UVSSA: variants seen among roughly 807,000 people sequenced by gnomAD.
The protein encoded by UVSSA is UV stimulated scaffold protein A.
In UVSSA, 72 loss-of-function variants were observed where a neutral mutation model predicts 73.9. That is an observed-to-expected ratio of 0.97 (90% CI 0.81 to 1.19). The LOEUF is 1.19. Among genes scored for constraint, UVSSA ranks in the 50% most tolerant of loss-of-function variants. The pLI, the probability that UVSSA is intolerant of heterozygous loss-of-function variation, is 0.00. For synonymous variants in UVSSA, 454 were observed against 391.3 expected (o/e 1.16, Z -1.89); for missense variants, 1,150 against 965.0 (o/e 1.19, Z -2.54).
In UVSSA at chr4:1,376,302, G is replaced by A. The variant is rs1251207459; in HGVS notation, c.1568+134G>A. On this transcript the variant is annotated intron_variant, in intron 10 of 13. Coordinates refer to ENST00000389851, the MANE Select transcript of UVSSA (RefSeq NM_020894.4). ...GCCTCCCAGCTCTGCCCCACCTTCC[G>A]GGCACCTGGAGGGGCACAGGGGTGG... The A allele has an allele frequency of 2.8e-5, 37 of 1,344,488 alleles. No homozygotes were observed. In the African/African-American group the frequency reaches 3.6e-4, roughly 13 times the overall value. 83.3% of individuals were successfully genotyped at this position (1,344,488 alleles called of 1,614,324 possible). A position where few individuals can be genotyped will look rare whatever the true frequency, so the allele number is the denominator to read the frequency against.
chr4:1,347,853 C>G lies in UVSSA; in HGVS notation c.-3+93C>G, dbSNP rs369111887. On this transcript the variant is annotated intron_variant, in intron 1 of 13. Transcript: ENST00000389851. The stretch of plus-strand genomic sequence containing the variant: ...TAACGCACGACCCTCAATGCAGCGT[C>G]CCACACACGGGATTGTAGAGGTCCC... The G allele has an allele frequency of 1.2e-3, 580 of 499,556 alleles. 20 individuals are homozygous for G. The South Asian group carries it at 0.013, about 11-fold the overall frequency. The allele number at this position is 499,556 out of a possible 1,614,324, so 30.9% of individuals were successfully genotyped here.
In UVSSA at chr4:1,386,022, G is replaced by C; in HGVS notation, c.*61G>C. On this transcript the variant is annotated 3_prime_UTR_variant, in exon 14 of 14. Coordinates refer to ENST00000389851, the MANE Select transcript of UVSSA (RefSeq NM_020894.4). ...CTCCCTCTGCCAGTGTCTCAGGACAGCAGAGTGGGCGTGGGTCTGGGCAGT... is the reference window on the plus strand; with the variant it reads ...CTCCCTCTGCCAGTGTCTCAGGACACCAGAGTGGGCGTGGGTCTGGGCAGT... 6.4e-7 allele frequency: 1 copy of C among 1,555,942 alleles called. No homozygotes were observed. The highest frequency in any genetic ancestry group is 1.7e-4 in the Middle Eastern group (1 of 5,952).
chr4:1,362,273 C>T (rs896813069), intron 7 of UVSSA, among the ~76,000 whole-genome samples: 2 of 152,222 alleles, frequency 1.3e-5, no homozygotes, highest in African/African-American at 4.8e-5. Flanking sequence ...GCCCTGTGCA[C>T]GGGTGGTCTT....
intron 8 of UVSSA, among the ~76,000 whole-genome samples, chr4:1,372,534 T>G (rs1718185349): frequency 6.6e-6 from 1 of 152,198 alleles, no homozygotes; most frequent in Non-Finnish European, 1.5e-5. Context: ...CCTAGCACCC[T>G]CTCCCCACGT....
chr4:1,355,959 G>A (rs1481612872), intron 7 of UVSSA, among the ~76,000 whole-genome samples: 2 of 152,138 alleles, frequency 1.3e-5, no homozygotes, highest in African/African-American at 4.8e-5. Flanking sequence ...GGGCCTCGGT[G>A]CCTGGAGGGG....
At chr4:1,377,665 A>G (rs1718939886) in intron 10 of UVSSA, among the ~76,000 whole-genome samples, 1 of 151,644 alleles carries the variant, frequency 6.6e-6, no homozygotes, top group Non-Finnish European at 1.5e-5. Context: ...CTGAGCCCCC[A>G]GGCAGTTGGG....
chr4:1,355,049 TC>T, intron 6 of UVSSA, 67 bp from the exon 7 acceptor site: 1 of 1,588,426 alleles, frequency 6.3e-7, no homozygotes, highest in South Asian at 1.1e-5. Context: ...GGCATGTGCC[TC>T]CCAGCAGGAC....
In UVSSA at chr4:1,353,150, C is replaced by T; in HGVS notation, c.671C>T (p.Ser224Phe). 3 of 1,613,040 alleles carry T rather than the reference C, an allele frequency of 1.9e-6. No individual in the cohort carries two copies. The highest frequency in any genetic ancestry group is 2.2e-5 in the South Asian group (2 of 91,092). Residue 224 changes from serine (S) to phenylalanine (F), a missense_variant, in exon 5 of 14, where the codon TCC becomes TTC. Coordinates refer to ENST00000389851, the MANE Select transcript of UVSSA (RefSeq NM_020894.4). ...TCCCTTGGCATGGCTTCTGGCATGT[C>T]CGATGCCCTTCGCTCCTCCTGCGCG... The part of the protein sequence containing the change: ...TESLGMASGM[S>F]DALRSSCAGQ...
chr4:1,351,064 C>T (rs1714648786), intron 3 of UVSSA, among the ~76,000 whole-genome samples: 1 of 152,078 alleles, frequency 6.6e-6, no homozygotes, highest in South Asian at 2.1e-4. Context: ...CGCCACCACA[C>T]CTGGCTATTT....
At chr4:1,389,876 C>T (rs1720364645), downstream of UVSSA, 1 of 152,112 alleles carries the variant, frequency 6.6e-6, no homozygotes, top group South Asian at 2.1e-4. Flanking sequence ...TCTTTTACTC[C>T]CCTTAGTCTA....
intron 10 of UVSSA, among the ~76,000 whole-genome samples, chr4:1,379,635 C>A (rs1719202528): frequency 6.6e-6 from 1 of 152,240 alleles, no homozygotes; most frequent in Non-Finnish European, 1.5e-5. Context: ...GGACGACCTT[C>A]ATGTGGATGC....
Position 1,353,012 on chromosome 4 carries a change from G to A in UVSSA, c.551-18G>A, listed in dbSNP as rs763098474. ...GCTCCACATAGCGCAGCAAACAGGT[G>A]TCTTGATCTTCCGGCAGAAATGTCT... is the stretch of plus-strand genomic sequence containing the variant. On this transcript the variant is annotated intron_variant, in intron 4 of 13. Coordinates refer to ENST00000389851, the MANE Select transcript of UVSSA (RefSeq NM_020894.4). 30 of 1,597,426 alleles carry A rather than the reference G, an allele frequency of 1.9e-5. No homozygotes were observed. In the Admixed American group the frequency reaches 4.6e-4, roughly 24 times the overall value.
intron 7 of UVSSA, chr4:1,359,560 G>T (rs1716318279): frequency 6.6e-6 from 1 of 152,190 alleles, no homozygotes; most frequent in Admixed American, 6.6e-5. Context: ...CGTCAGCGTG[G>T]CTCTGTCTTT....
rs753577508 is a variant in UVSSA at position 1,380,056 on chromosome 4, C to T, written c.1578C>T (p.Ser526=). 1.6e-5 allele frequency: 25 copies of T among 1,606,564 alleles called. No homozygotes were observed. Among genetic ancestry groups the T allele is most frequent in the Non-Finnish European group, 2.1e-5 (25 of 1,176,720 alleles). The change falls in exon 11 of 14, where the codon TCC becomes TCT. Residue 526 remains serine (S), a synonymous_variant. Coordinates refer to ENST00000389851, the MANE Select transcript of UVSSA (RefSeq NM_020894.4). Reference sequence around the variant, plus strand: ...CTGGCTGTGTCTGCAGGTCTGACTCCCAGCACCGCTTCTGGAAGCCCAGCG... The same window carrying T: ...CTGGCTGTGTCTGCAGGTCTGACTCTCAGCACCGCTTCTGGAAGCCCAGCG... ...PTAGKIVKSD[S]QHRFWKPSEV...
At chr4:1,381,952 C>T (rs1364117083) in intron 12 of UVSSA, among the ~76,000 whole-genome samples, 1 of 152,170 alleles carries the variant, frequency 6.6e-6, no homozygotes, top group East Asian at 1.9e-4. Flanking sequence ...TGTGAGTCCC[C>T]GCCCGGCCTC....
chr4:1,349,031 A>G (rs78373379), intron 2 of UVSSA, among the ~76,000 whole-genome samples: 171 of 50,784 alleles, frequency 3.4e-3, no homozygotes, highest in Non-Finnish European at 6.3e-3. Context: ...GGTTTGTGCC[A>G]GGCGGTGTGT....
At chr4:1,346,109 T>C (rs1216766984), upstream of UVSSA, among the ~76,000 whole-genome samples, 2 of 152,166 alleles carry the variant, frequency 1.3e-5, no homozygotes, top group Non-Finnish European at 2.9e-5. Context: ...AAGCTGGTGC[T>C]GCAGAGAGGG....
chr4:1,382,260 C>T (rs1325002994), intron 12 of UVSSA, among the ~76,000 whole-genome samples: 1 of 152,248 alleles, frequency 6.6e-6, no homozygotes, highest in East Asian at 1.9e-4. Flanking sequence ...TTTGTGTCAA[C>T]CCTGAAGAGT....
At chr4:1,385,804 C>A in intron 13 of UVSSA, 64 bp from the exon 14 acceptor site, 1 of 1,567,440 alleles carries the variant, frequency 6.4e-7, no homozygotes, top group Non-Finnish European at 8.8e-7. Context: ...GGTGATGCCG[C>A]CACTGGGAGC....
Sources: allele counts gnomAD v4.1 joint callset (sites outside exome capture counted in the v4.1 genomes callset), GRCh38; gene constraint gnomAD v4.1.1; transcripts MANE v1.5; gene names NCBI Gene and HGNC (gene_info 2026-07-23, HGNC 2026-07-21).